The following ATP10A variants were observed in gnomAD, a reference collection of about 807,000 sequenced individuals.
The protein encoded by ATP10A is ATPase phospholipid transporting 10A (putative).
In ATP10A, 111 loss-of-function variants were observed where a neutral mutation model predicts 147.8. The ratio of observed to expected loss-of-function variants is 0.75; its 90% CI spans 0.64 to 0.88. The LOEUF (loss-of-function observed/expected upper bound fraction) is 0.88, where lower values mean the gene tolerates loss of function less well. Among genes scored for constraint, ATP10A ranks in the 40% least tolerant of loss-of-function variants. The pLI is 0.00. For missense variants in ATP10A, 1,927 were observed against 1,959.0 expected (o/e 0.98, Z 0.31); for synonymous variants, 875 against 841.6 (o/e 1.04, Z -0.69).
rs1360201551 is a variant in ATP10A, at chr15:25,683,494, C to G, written c.3292-8G>C. On this transcript the variant is annotated splice_polypyrimidine_tract_variant and splice_region_variant and intron_variant, in intron 16 of 20. Coordinates refer to ENST00000555815, the MANE Select transcript of ATP10A (RefSeq NM_024490.4). Reference sequence around the variant, plus strand: ...CAGGAGGCCCACGAACATCTGAAATCAAGAAAGGAAGAACAGGAACAGGCG... The same window carrying G: ...CAGGAGGCCCACGAACATCTGAAATGAAGAAAGGAAGAACAGGAACAGGCG... The G allele has an allele frequency of 6.2e-7, 1 of 1,608,906 alleles. No homozygotes were observed. The highest frequency in any genetic ancestry group is 8.5e-7 in the Non-Finnish European group (1 of 1,177,556).
chr15:25,697,371 C>T (rs769761660), intron 13 of ATP10A, among the ~76,000 whole-genome samples: 3 of 152,176 alleles, frequency 2.0e-5, no homozygotes, highest in Admixed American at 6.5e-5. Context: ...ACATAATATT[C>T]GAAATGCCCA....
chr15:25,815,671 T>C (rs1409586061), intron 1 of ATP10A, among the ~76,000 whole-genome samples: 3 of 29,414 alleles, frequency 1.0e-4, no homozygotes, highest in Non-Finnish European at 2.6e-4. Context: ...GCAAAAAAAT[T>C]TGTTAAGCTT....
In ATP10A at chr15:25,718,202, T is replaced by G. The variant is rs149034232; in HGVS notation, c.1561A>C (p.Thr521Pro). The G allele has an allele frequency of 5.6e-6, 9 of 1,612,956 alleles. No homozygotes were observed. The highest frequency in any genetic ancestry group is 7.6e-6 in the Non-Finnish European group (9 of 1,179,934). ...CTCACCATGGGGCTGCTGAAGGCCG[T>G]GTGCTTGGACAGCATGCTGGCCCTC... ...AKRASMLSKH[T>P]AFSSPMEKDI... The change falls in exon 8 of 21, where the codon ACG becomes CCG. Residue 521 changes from threonine to proline, a missense_variant. By Grantham distance (38) the Thr-to-Pro change is conservative. Transcript: ENST00000555815.
upstream of ATP10A, chr15:25,865,063 T>C (rs1893926352): frequency 6.6e-6 from 1 of 152,260 alleles, no homozygotes; most frequent in African/African-American, 2.4e-5. Context: ...CAAATGCTGA[T>C]TCCTCAGGCA....
intron 2 of ATP10A, among the ~76,000 whole-genome samples, chr15:25,772,975 G>A (rs1343040308): frequency 2.6e-5 from 4 of 152,112 alleles, no homozygotes; most frequent in Non-Finnish European, 2.9e-5. Flanking sequence ...CTTGGCACAC[G>A]GATTATTCAT....
chr15:25,716,719 C>T lies in ATP10A; in HGVS notation c.1776+11G>A, dbSNP rs193151533. 11,419 of 1,564,546 alleles carry T rather than the reference C, an allele frequency of 7.3e-3. 102 individuals carry two copies. Among genetic ancestry groups the T allele is most frequent in the Non-Finnish European group, 6.9e-3 (7,986 of 1,152,792 alleles). ...GGTCAAGGTCAAGCTCAGGGACCCT[C>T]CAGAACTTGCCTTTGTTCGTGGCTG... On this transcript the variant is annotated intron_variant, in intron 9 of 20. Coordinates refer to ENST00000555815, the MANE Select transcript of ATP10A (RefSeq NM_024490.4).
In ATP10A at chr15:25,801,784, C is replaced by T. The variant is rs181075713; in HGVS notation, c.450-20561G>A. Among the ~76,000 whole-genome samples the T allele has an allele frequency of 1.6e-3, 245 of 152,292 alleles. 2 individuals are homozygous for T. Among genetic ancestry groups the T allele is most frequent in the African/African-American group, 5.5e-3 (230 of 41,562 alleles). On this transcript the variant is annotated intron_variant, in intron 1 of 20. Transcript: ENST00000555815. The stretch of plus-strand genomic sequence containing the variant: ...CATCACAGCCCACCTGCTGGAAGGC[C>T]CCCGTGCCAGTCTCTGAACCCCAAT...
intron 1 of ATP10A, among the ~76,000 whole-genome samples, chr15:25,815,505 C>T (rs112114529): frequency 1.3e-4 from 1 of 7,422 alleles, no homozygotes; most frequent in Non-Finnish European, 4.0e-4. Flanking sequence ...GTCGAGATGC[C>T]AACCAGTGAT....
chr15:25,716,225 G>C (rs556754888), intron 9 of ATP10A, among the ~76,000 whole-genome samples: 1 of 152,338 alleles, frequency 6.6e-6, no homozygotes, highest in African/African-American at 2.4e-5. Context: ...TGCATGGCTG[G>C]TAGAGTCAGG....
At chr15:25,770,150 C>G (rs550840008) in intron 2 of ATP10A, among the ~76,000 whole-genome samples, 1 of 151,084 alleles carries the variant, frequency 6.6e-6, no homozygotes, top group Non-Finnish European at 1.5e-5. Context: ...AAACACGACC[C>G]GGGCGAGGTG....
intron 1 of ATP10A, among the ~76,000 whole-genome samples, chr15:25,857,080 C>T (rs1040658834): frequency 6.6e-6 from 1 of 152,154 alleles, no homozygotes; most frequent in African/African-American, 2.4e-5. Flanking sequence ...TTCAAGCATA[C>T]ATATTGAAAA....
At position 25,815,448 on chromosome 15, in the gene ATP10A, T is replaced by C. The variant is rs563889447; in HGVS notation, c.450-34225A>G. On this transcript the variant is annotated intron_variant, in intron 1 of 20. Transcript: ENST00000555815. ...CCTCAAGAGTCTATTCCCGACACTT[T>C]AAAAATAGCATCTATACAGTGCATG... Among the ~76,000 whole-genome samples, 20 of 152,320 alleles carry C rather than the reference T, an allele frequency of 1.3e-4. No individual in the cohort carries two copies. The South Asian group carries it at 4.0e-3, about 30-fold the overall frequency.
At chr15:25,743,555 G>C (rs969230927) in intron 2 of ATP10A, among the ~76,000 whole-genome samples, 1 of 152,256 alleles carries the variant, frequency 6.6e-6, no homozygotes, top group Non-Finnish European at 1.5e-5. Flanking sequence ...GCTTCTGCAA[G>C]ATGTAGTTAA....
At chr15:25,788,048 G>T (rs1890252011) in intron 1 of ATP10A, among the ~76,000 whole-genome samples, 1 of 152,160 alleles carries the variant, frequency 6.6e-6, no homozygotes. Flanking sequence ...TGATTTGGTG[G>T]CTTTGAGAGG....
chr15:25,783,921 G>A (rs1250912088), intron 1 of ATP10A, among the ~76,000 whole-genome samples: 2 of 152,166 alleles, frequency 1.3e-5, no homozygotes, highest in South Asian at 2.1e-4. Context: ...GCCCCAGCCC[G>A]AGGTCTGAGA....
chr15:25,858,838 G>C (rs1893629158), intron 1 of ATP10A, among the ~76,000 whole-genome samples: 1 of 152,066 alleles, frequency 6.6e-6, no homozygotes, highest in Non-Finnish European at 1.5e-5. Context: ...GACACTGAAA[G>C]GTGTCAATAA....
chr15:25,753,763 T>A (rs1313595617), intron 2 of ATP10A, among the ~76,000 whole-genome samples: 1 of 148,540 alleles, frequency 6.7e-6, no homozygotes, highest in Non-Finnish European at 1.5e-5. Context: ...TCATATATAG[T>A]TATATATATG....
chr15:25,781,047 C>T lies in ATP10A; in HGVS notation c.626G>A (p.Arg209Gln), dbSNP rs746447082. 7 of 1,614,042 alleles carry T rather than the reference C, an allele frequency of 4.3e-6. No individual in the cohort carries two copies. The South Asian group carries it at 4.4e-5, about 10-fold the overall frequency. The change falls in exon 2 of 21, where the codon CGG becomes CAG. Residue 209 changes from arginine (R) to glutamine (Q), a missense_variant. Coordinates refer to ENST00000555815, the MANE Select transcript of ATP10A (RefSeq NM_024490.4). Reference sequence around the variant, plus strand: ...CTCCGAGAAGCCGCGGACCACCTGCCGCCGCTTCAGGTTGGTCTCTCCATC... The same window carrying T: ...CTCCGAGAAGCCGCGGACCACCTGCTGCCGCTTCAGGTTGGTCTCTCCATC... ...NLDGETNLKR[R>Q]QVVRGFSELV... is the part of the protein sequence containing the mutation.
chr15:25,808,340 T>C (rs1891287098), intron 1 of ATP10A, among the ~76,000 whole-genome samples: 1 of 152,202 alleles, frequency 6.6e-6, no homozygotes, highest in Non-Finnish European at 1.5e-5. Context: ...ACAGCTCTCA[T>C]AGAAACATGC....
Sources: gnomAD v4.1 joint callset for allele counts (sites outside exome capture counted in the v4.1 genomes callset) on GRCh38, gnomAD v4.1.1 for gene constraint, MANE v1.5 for transcripts, NCBI Gene and HGNC (gene_info 2026-07-23, HGNC 2026-07-21) for gene names.